NOS1AP: variants seen among roughly 807,000 people sequenced by gnomAD.
NOS1AP encodes carboxyl-terminal PDZ ligand of neuronal nitric oxide synthase protein.
Under a neutral mutation model 56.2 loss-of-function variants are expected in NOS1AP, and 21 were observed. The observed-to-expected ratio is 0.37, with a 90% CI of 0.26 to 0.54. The LOEUF (loss-of-function observed/expected upper bound fraction) is 0.54. Among genes scored for constraint, NOS1AP ranks in the 20% least tolerant of loss-of-function variants. The pLI is 0.84. For synonymous variants in NOS1AP, 270 were observed against 274.6 expected (o/e 0.98, Z 0.17); for missense variants, 522 against 657.8 (o/e 0.79, Z 2.26).
chr1:162,296,812 A>C (rs1216348837), intron 3 of NOS1AP, among the ~76,000 whole-genome samples: 1 of 152,170 alleles, frequency 6.6e-6, no homozygotes, highest in Non-Finnish European at 1.5e-5. Flanking sequence ...CAAGCCTTGG[A>C]AGAAACATGA....
At chr1:162,183,169 C>G (rs1035081560) in intron 2 of NOS1AP, among the ~76,000 whole-genome samples, 1 of 152,206 alleles carries the variant, frequency 6.6e-6, no homozygotes, top group East Asian at 1.9e-4. Context: ...CATTCATCCC[C>G]TTGAACATCT....
In NOS1AP at chr1:162,162,076, GACA is replaced by G. The variant is rs977287503; in HGVS notation, c.177+7605_177+7607del. 5.9e-5 allele frequency among the ~76,000 whole-genome samples: 9 copies of G among 152,228 alleles called. 2 individuals are homozygous for G. Among genetic ancestry groups the G allele is most frequent in the African/African-American group, 2.2e-4 (9 of 41,526 alleles). ...ATTTTGTTTTTCATTTGATCCTAAT[GACA>G]ACAAGATAAAATAAGCCTGTTCTGG... On this transcript the variant is annotated intron_variant, in intron 2 of 9. Coordinates refer to ENST00000361897, the MANE Select transcript of NOS1AP (RefSeq NM_014697.3).
chr1:162,094,334 C>A (rs1457060967), intron 1 of NOS1AP, among the ~76,000 whole-genome samples: 1 of 152,134 alleles, frequency 6.6e-6, no homozygotes, highest in Non-Finnish European at 1.5e-5. Context: ...AGCAGATGGA[C>A]TGGTAGGGAG....
At chr1:162,257,371 A>C (rs1191331413) in intron 2 of NOS1AP, among the ~76,000 whole-genome samples, 2 of 151,974 alleles carry the variant, frequency 1.3e-5, no homozygotes, top group Non-Finnish European at 2.9e-5. Flanking sequence ...GGCCCAGACC[A>C]GGCACGGTGG....
chr1:162,170,409 G>T (rs879381972), intron 2 of NOS1AP, among the ~76,000 whole-genome samples: 18 of 152,226 alleles, frequency 1.2e-4, no homozygotes, highest in Non-Finnish European at 2.5e-4. Flanking sequence ...AAGCAGCAGA[G>T]CTGGGGGTCC....
chr1:162,090,702 C>T (rs1692110761), intron 1 of NOS1AP, among the ~76,000 whole-genome samples: 1 of 151,904 alleles, frequency 6.6e-6, no homozygotes, highest in Non-Finnish European at 1.5e-5. Context: ...TATATTTCTT[C>T]TAGTTTAGTT....
At chr1:162,320,271 A>C (rs1488190830) in intron 4 of NOS1AP, among the ~76,000 whole-genome samples, 1 of 152,130 alleles carries the variant, frequency 6.6e-6, no homozygotes, top group Non-Finnish European at 1.5e-5. Context: ...GCAGATGAAA[A>C]TAACAGGAAT....
chr1:162,345,013 ATG>A (rs1185932432), intron 6 of NOS1AP, among the ~76,000 whole-genome samples: 1 of 152,188 alleles, frequency 6.6e-6, no homozygotes, highest in African/African-American at 2.4e-5. Context: ...CACAATAAAA[ATG>A]TGTTTGTTAC....
intron 1 of NOS1AP, among the ~76,000 whole-genome samples, chr1:162,094,989 C>T (rs1417519942): frequency 6.6e-6 from 1 of 152,202 alleles, no homozygotes; most frequent in Non-Finnish European, 1.5e-5. Flanking sequence ...CACTCACACT[C>T]CACTATGGGT....
chr1:162,215,021 C>T (rs1477812262), intron 2 of NOS1AP, among the ~76,000 whole-genome samples: 1 of 152,206 alleles, frequency 6.6e-6, no homozygotes, highest in Non-Finnish European at 1.5e-5. Flanking sequence ...AAACAATATT[C>T]CTCTGGCTTC....
rs569493943 is a variant in NOS1AP, at chr1:162,225,521, T to G, written c.178-61823T>G. Among the ~76,000 whole-genome samples the G allele has an allele frequency of 3.9e-5, 6 of 152,292 alleles. No homozygotes were observed. The East Asian group carries it at 9.6e-4, about 24-fold the overall frequency. On this transcript the variant is annotated intron_variant, in intron 2 of 9. Coordinates refer to ENST00000361897, the MANE Select transcript of NOS1AP (RefSeq NM_014697.3). The stretch of plus-strand genomic sequence containing the variant: ...GTGTAAAGGACGATAAAGTGAGTGT[T>G]TGTGGGAGTGTTTTTTGAATATTAT...
At chr1:162,133,913 GCATGAAGTAGTA>G (rs1391374093) in intron 1 of NOS1AP, among the ~76,000 whole-genome samples, 1 of 152,174 alleles carries the variant, frequency 6.6e-6, no homozygotes, top group East Asian at 1.9e-4. Flanking sequence ...AACATGCTTG[GCATGAAGTAGTA>G]CATAGAATTA....
intron 2 of NOS1AP, among the ~76,000 whole-genome samples, chr1:162,229,899 C>A (rs1653068613): frequency 6.6e-6 from 1 of 151,832 alleles, no homozygotes; most frequent in South Asian, 2.1e-4. Flanking sequence ...ACTTCTTCAG[C>A]AACTTTTTTC....
intron 2 of NOS1AP, among the ~76,000 whole-genome samples, chr1:162,261,931 C>T (rs1050454301): frequency 1.3e-5 from 2 of 152,122 alleles, no homozygotes; most frequent in Non-Finnish European, 2.9e-5. Context: ...AGAGGAAAGA[C>T]AACTCTTATT....
chr1:162,254,413 GAC>G (rs1204805764), intron 2 of NOS1AP, among the ~76,000 whole-genome samples: 250 of 152,296 alleles, frequency 1.6e-3, no homozygotes, highest in African/African-American at 5.8e-3. Context: ...TGTCCCATGT[GAC>G]TAACCCTCCC....
At chr1:162,328,075 T>A (rs190312720) in intron 4 of NOS1AP, among the ~76,000 whole-genome samples, 28 of 152,376 alleles carry the variant, frequency 1.8e-4, no homozygotes, top group African/African-American at 6.5e-4. Flanking sequence ...GACTTGAACC[T>A]GGATCTTTCT....
At chr1:162,284,774 A>G (rs1209935949) in intron 2 of NOS1AP, among the ~76,000 whole-genome samples, 3 of 152,258 alleles carry the variant, frequency 2.0e-5, no homozygotes, top group Non-Finnish European at 4.4e-5. Context: ...GGTTTCAGAT[A>G]CACAAGCAAG....
chr1:162,162,454 G>A (rs1650266141), intron 2 of NOS1AP, among the ~76,000 whole-genome samples: 2 of 152,176 alleles, frequency 1.3e-5, no homozygotes, highest in South Asian at 2.1e-4. Flanking sequence ...CTGATGGCTA[G>A]TGTTTGTCCT....
chr1:162,113,355 G>T (rs1647786074), intron 1 of NOS1AP, among the ~76,000 whole-genome samples: 1 of 152,156 alleles, frequency 6.6e-6, no homozygotes, highest in Admixed American at 6.5e-5. Flanking sequence ...CGGCCCAGTG[G>T]GGTCCTGGCA....
Sources: gnomAD v4.1 joint callset for allele counts (sites outside exome capture counted in the v4.1 genomes callset) on GRCh38, gnomAD v4.1.1 for gene constraint, MANE v1.5 for transcripts, NCBI Gene and HGNC (gene_info 2026-07-23, HGNC 2026-07-21) for gene names.